MYO7A: variants seen among roughly 807,000 people sequenced by gnomAD.
MYO7A encodes myosin VIIA.
MYO7A carries 210 observed loss-of-function variants against 263.8 expected under a neutral mutation model. The observed-to-expected ratio is 0.80, with a 90% CI of 0.71 to 0.89. MYO7A has a LOEUF of 0.89. Among genes scored for constraint, MYO7A ranks in the 40% least tolerant of loss-of-function variants. The pLI is 0.00. For synonymous variants in MYO7A, 1,239 were observed against 1,197.3 expected, an observed-to-expected ratio of 1.03 and a Z score of -0.72; for missense variants, 2,820 against 2,968.3, an observed-to-expected ratio of 0.95 and a Z score of 1.16.
At chr11:77,131,099 G>T (rs1173999778) in intron 2 of MYO7A, among the ~76,000 whole-genome samples, 1 of 152,196 alleles carries the variant, frequency 6.6e-6, no homozygotes, top group African/African-American at 2.4e-5. Flanking sequence ...TTTATGGGAA[G>T]AAGCAGAGGT....
rs186644871 is a variant in MYO7A, at chr11:77,208,765, A to G, written c.6013A>G (p.Lys2005Glu). The G allele has an allele frequency of 9.9e-5, 157 of 1,579,400 alleles. 1 individual carries two copies. The Admixed American group carries it at 2.8e-3, about 28-fold the overall frequency. Residue 2005 changes from lysine to glutamate, a missense_variant, in exon 44 of 49, where the codon AAG becomes GAG. Physicochemically the swap from Lys to Glu is moderately conservative, Grantham distance 56 (BLOSUM62 1). Coordinates refer to ENST00000409709, the MANE Select transcript of MYO7A (RefSeq NM_000260.4). ...KKLWTTTVPG[K>E]DPMADSIFHY... ...GCTGTGGACCACCACGGTGCCAGGGAAGGATCCCATGGCCGATTCCATCTT... is the reference window on the plus strand; with the variant it reads ...GCTGTGGACCACCACGGTGCCAGGGGAGGATCCCATGGCCGATTCCATCTT...
rs560734466 is a variant in MYO7A, at chr11:77,202,361, C to T, written c.5105C>T (p.Thr1702Met). ...GTTGTCCGGCTCTTGCAGCTGCGAA[C>T]GGCGGAGCCCGAGGTGCGTGCCAAG... ...QDVVRLLQLR[T>M]AEPEVRAKPY... The change falls in exon 37 of 49, where the codon ACG (threonine) becomes ATG (methionine). Residue 1702 changes from threonine to methionine, a missense_variant. Thr to Met is a moderately conservative substitution (Grantham distance 81). Coordinates refer to ENST00000409709, the MANE Select transcript of MYO7A (RefSeq NM_000260.4). 1.5e-5 allele frequency: 23 copies of T among 1,566,092 alleles called. No homozygotes were observed. In the East Asian group the frequency reaches 3.3e-4, roughly 23 times the overall value.
At chr11:77,187,566 G>T (rs1314362589) in intron 27 of MYO7A, among the ~76,000 whole-genome samples, 1 of 152,158 alleles carries the variant, frequency 6.6e-6, no homozygotes, top group African/African-American at 2.4e-5. Flanking sequence ...AGGTTACTGT[G>T]CCTGGGAATC....
At chr11:77,148,963 C>T (rs1951775307) in intron 4 of MYO7A, among the ~76,000 whole-genome samples, 1 of 152,186 alleles carries the variant, frequency 6.6e-6, no homozygotes, top group Non-Finnish European at 1.5e-5. Flanking sequence ...AAAATCTGGC[C>T]TCACAGATGT....
chr11:77,200,939 G>T (rs1043923367), intron 35 of MYO7A, among the ~76,000 whole-genome samples: 1 of 152,188 alleles, frequency 6.6e-6, no homozygotes, highest in Admixed American at 6.5e-5. Context: ...CAGTGGGGAG[G>T]GGGGTGGGAA....
intron 4 of MYO7A, among the ~76,000 whole-genome samples, chr11:77,149,315 G>A (rs1555055930): frequency 1.3e-5 from 2 of 152,230 alleles, no homozygotes; most frequent in African/African-American, 4.8e-5. Flanking sequence ...ACTGGGGGAG[G>A]TGTGGGGTCT....
At chr11:77,173,973 C>A (rs1314266568) in intron 16 of MYO7A, among the ~76,000 whole-genome samples, 2 of 152,080 alleles carry the variant, frequency 1.3e-5, no homozygotes, top group African/African-American at 4.8e-5. Flanking sequence ...CATCTGTGGA[C>A]TGGGCCTTGG....
At position 77,190,792 on chromosome 11, in the gene MYO7A, G is replaced by A; in HGVS notation, c.3846G>A (p.Glu1282=). 1 of 1,594,170 alleles carries A rather than the reference G, an allele frequency of 6.3e-7. No homozygotes were observed. Among genetic ancestry groups the A allele is most frequent in the South Asian group, 1.1e-5 (1 of 87,362 alleles). Residue 1282 remains glutamate (E), a synonymous_variant, in exon 30 of 49, where the codon GAG becomes GAA. Coordinates refer to ENST00000409709, the MANE Select transcript of MYO7A (RefSeq NM_000260.4). ...CGGACTCGGCAACCACGGCCAAGGA[G>A]CTCTGCAACGCGCTGGCCGACAAGA... ...LLTDSATTAK[E]LCNALADKIS... is the part of the protein sequence containing the mutation.
At chr11:77,203,238 T>G (rs1957196447) in intron 38 of MYO7A, 21 bp downstream of exon 38, 1 of 1,545,908 alleles carries the variant, frequency 6.5e-7, no homozygotes, top group Admixed American at 1.9e-5. Flanking sequence ...CACTGGGCTG[T>G]GCCCAGGGGA....
chr11:77,142,562 G>A (rs1555051251), intron 2 of MYO7A, 147 bp from the exon 3 acceptor site: 1 of 727,078 alleles, frequency 1.4e-6, no homozygotes, highest in Non-Finnish European at 2.5e-6. Context: ...GCTCCAGAAG[G>A]TTGCTAGTAA....
chr11:77,155,987 T>C lies in MYO7A; in HGVS notation c.366T>C (p.Tyr122=), dbSNP rs1952426322. The stretch of plus-strand genomic sequence containing the variant: ...ACTCGCCAGAGCACATCCGCCAGTA[T>C]ACCAACAAGAAGATTGGGGAGATGC... ...SIYSPEHIRQ[Y]TNKKIGEMPP... is the part of the protein sequence containing the mutation. The change falls in exon 5 of 49, where the codon TAT becomes TAC. Residue 122 remains tyrosine (Y), a synonymous_variant. Transcript: ENST00000409709. 6.2e-7 allele frequency: 1 copy of C among 1,613,632 alleles called. No homozygotes were observed. The highest frequency in any genetic ancestry group is 8.5e-7 in the Non-Finnish European group (1 of 1,179,836).
At chr11:77,170,459 G>A (rs1191191046) in intron 15 of MYO7A, among the ~76,000 whole-genome samples, 1 of 152,178 alleles carries the variant, frequency 6.6e-6, no homozygotes, top group African/African-American at 2.4e-5. Context: ...GGGGCACTGT[G>A]GGTCCCTACA....
At chr11:77,137,622 C>A (rs1433631875) in intron 2 of MYO7A, among the ~76,000 whole-genome samples, 1 of 152,156 alleles carries the variant, frequency 6.6e-6, no homozygotes, top group Non-Finnish European at 1.5e-5. Flanking sequence ...CGCCTGGTGT[C>A]CAGCCCTGTG....
In MYO7A at chr11:77,211,389, G is replaced by A; in HGVS notation, c.6237+52G>A. The A allele has an allele frequency of 2.6e-6, 4 of 1,521,772 alleles. No homozygotes were observed. The Middle Eastern group carries it at 5.4e-4, about 205-fold the overall frequency. The allele number at this position is 1,521,772 out of a possible 1,614,324, so 94.3% of individuals were successfully genotyped here. ...GGTGGGGCCCTGAATGGGCCTCGGG[G>A]CACCCCAGGGGCCAAGGGGGCAGAC... On this transcript the variant is annotated intron_variant, in intron 45 of 48. Transcript: ENST00000409709.
chr11:77,159,394 GC>G, intron 9 of MYO7A, 52 bp from the exon 10 acceptor site: 1 of 1,404,286 alleles, frequency 7.1e-7, no homozygotes, highest in Non-Finnish European at 1.0e-6. Flanking sequence ...CTGTCCCCTT[GC>G]CCCTGTTGCC....
chr11:77,177,494 C>T, intron 18 of MYO7A, 55 bp from the exon 19 acceptor site: 2 of 1,359,968 alleles, frequency 1.5e-6, no homozygotes, highest in Non-Finnish European at 2.1e-6. Flanking sequence ...TGGGACTGAG[C>T]AGGTGGTCCT....
chr11:77,168,884 C>T (rs1400412505), intron 15 of MYO7A, among the ~76,000 whole-genome samples: 2 of 152,166 alleles, frequency 1.3e-5, no homozygotes, highest in Admixed American at 6.5e-5. Context: ...AACAGGGATT[C>T]GAGTGCAGGC....
chr11:77,175,977 C>G (rs1020884077), intron 18 of MYO7A, among the ~76,000 whole-genome samples: 9 of 152,340 alleles, frequency 5.9e-5, no homozygotes, highest in South Asian at 2.1e-4. Context: ...GGAAGCAAGG[C>G]CTGCGGGAGT....
chr11:77,161,154 C>T (rs1555068552), intron 12 of MYO7A, 39 bp downstream of exon 12: 2 of 1,609,578 alleles, frequency 1.2e-6, no homozygotes, highest in African/African-American at 1.3e-5. Context: ...TTTCCTTCCC[C>T]AATATGGAAA....
Sources: gnomAD v4.1 joint callset for allele counts (sites outside exome capture counted in the v4.1 genomes callset) on GRCh38, gnomAD v4.1.1 for gene constraint, MANE v1.5 for transcripts, NCBI Gene and HGNC (gene_info 2026-07-23, HGNC 2026-07-21) for gene names.